Variants in DCHS2 observed in about 807,000 individuals in gnomAD.
The protein encoded by DCHS2 is dachsous cadherin-related 2.
A neutral mutation model predicts 182.4 loss-of-function variants in DCHS2; 142 were observed. That is an observed-to-expected ratio of 0.78 (90% CI 0.68 to 0.89). DCHS2 has a LOEUF of 0.89. Among genes scored for constraint, DCHS2 ranks in the 40% least tolerant of loss-of-function variants. The pLI is 0.00. For missense variants in DCHS2, 4,319 were observed against 4,198.6 expected (o/e 1.03, Z -0.79); for synonymous variants, 1,740 against 1,663.3 (o/e 1.05, Z -1.12).
chr4:154,341,708 G>A (rs756136692), intron 3 of DCHS2, among the ~76,000 whole-genome samples: 63 of 152,030 alleles, frequency 4.1e-4, no homozygotes, highest in Non-Finnish European at 6.8e-4. Flanking sequence ...CAAAAAACCT[G>A]TCCATCAATT....
Position 154,405,155 on chromosome 4 carries a change from C to T in DCHS2, c.2053-27711G>A, listed in dbSNP as rs572753689. Among the ~76,000 whole-genome samples the T allele has an allele frequency of 3.3e-5, 5 of 152,188 alleles. No homozygotes were observed. The South Asian group carries it at 1.0e-3, about 32-fold the overall frequency. The stretch of plus-strand genomic sequence containing the variant: ...ATCCCATCTGCTCGGGAGGCAGAGG[C>T]AGGAAAATCGCTTGAACCTGGGAGG... On this transcript the variant is annotated intron_variant, in intron 1 of 19. Coordinates refer to ENST00000357232, the MANE Select transcript of DCHS2 (RefSeq NM_001358235.2).
chr4:154,472,406 C>A (rs563233083), intron 1 of DCHS2, among the ~76,000 whole-genome samples: 1 of 152,288 alleles, frequency 6.6e-6, no homozygotes, highest in East Asian at 1.9e-4. Flanking sequence ...GTATATCTAT[C>A]CACTGTAATC....
chr4:154,243,876 G>T (rs1731953027), intron 16 of DCHS2, among the ~76,000 whole-genome samples: 1 of 152,072 alleles, frequency 6.6e-6, no homozygotes, highest in Non-Finnish European at 1.5e-5. Flanking sequence ...GCGCTCAATT[G>T]CTCTAACTAA....
intron 13 of DCHS2, among the ~76,000 whole-genome samples, chr4:154,270,882 A>T (rs187209868): frequency 6.6e-6 from 1 of 152,232 alleles, no homozygotes; most frequent in East Asian, 1.9e-4. Context: ...GCTGTAGGAA[A>T]AAGCAACCCA....
chr4:154,324,345 C>T (rs368772642), intron 7 of DCHS2, among the ~76,000 whole-genome samples: 1 of 152,094 alleles, frequency 6.6e-6, no homozygotes. Context: ...GGTGCAGACT[C>T]ATCTTGTAGA....
At chr4:154,354,328 C>T (rs919187273) in intron 3 of DCHS2, among the ~76,000 whole-genome samples, 1 of 152,204 alleles carries the variant, frequency 6.6e-6, no homozygotes, top group African/African-American at 2.4e-5. Flanking sequence ...CCCCTGTCCT[C>T]TCATCTAAAT....
intron 1 of DCHS2, among the ~76,000 whole-genome samples, chr4:154,378,072 T>A (rs1327344988): frequency 6.6e-6 from 1 of 152,084 alleles, no homozygotes; most frequent in Non-Finnish European, 1.5e-5. Flanking sequence ...TGCCTGTAGG[T>A]ACATGGGGAA....
At chr4:154,355,185 T>C (rs995863201) in intron 3 of DCHS2, among the ~76,000 whole-genome samples, 3 of 151,870 alleles carry the variant, frequency 2.0e-5, no homozygotes, top group Non-Finnish European at 4.4e-5. Flanking sequence ...AAGATACCAG[T>C]CACAAAGACT....
intron 10 of DCHS2, among the ~76,000 whole-genome samples, chr4:154,312,258 A>G (rs913897412): frequency 1.3e-5 from 2 of 152,236 alleles, no homozygotes; most frequent in African/African-American, 4.8e-5. Flanking sequence ...GCACAAAGCC[A>G]GTAAGATCGG....
At chr4:154,450,630 C>T (rs1734491856) in intron 1 of DCHS2, among the ~76,000 whole-genome samples, 1 of 151,990 alleles carries the variant, frequency 6.6e-6, no homozygotes, top group Non-Finnish European at 1.5e-5. Context: ...GTCAGGAGTT[C>T]GAGACCAGCC....
At chr4:154,338,274 T>C (rs1276317832) in intron 3 of DCHS2, among the ~76,000 whole-genome samples, 2 of 152,138 alleles carry the variant, frequency 1.3e-5, no homozygotes, top group Admixed American at 6.5e-5. Flanking sequence ...ATTTTGAAAA[T>C]ATACAAACAA....
intron 3 of DCHS2, among the ~76,000 whole-genome samples, chr4:154,337,859 G>C (rs1248695871): frequency 2.6e-5 from 4 of 152,000 alleles, no homozygotes; most frequent in African/African-American, 9.7e-5. Flanking sequence ...TTCTGCCTCA[G>C]CCTCCCGAGT....
intron 16 of DCHS2, among the ~76,000 whole-genome samples, chr4:154,246,092 C>T (rs575605495): frequency 2.6e-5 from 4 of 152,144 alleles, no homozygotes; most frequent in East Asian, 3.9e-4. Context: ...CATAAAGATA[C>T]GTGAGGAGCA....
Position 154,490,246 on chromosome 4 carries a change from A to G in DCHS2, c.1110T>C (p.Pro370=). The stretch of plus-strand genomic sequence containing the variant: ...GCCAGGCCTGTGCCTCGCGGTCCAG[A>G]GGTCTCCACACTCGCACCACGCCGC... ...ELSGVVRVWR[P]LDREAQAWHQ... Residue 370 remains proline (P), a synonymous_variant, in exon 1 of 20, where the codon CCT becomes CCC. Coordinates refer to ENST00000357232, the MANE Select transcript of DCHS2 (RefSeq NM_001358235.2). 6.5e-7 allele frequency: 1 copy of G among 1,549,476 alleles called. No homozygotes were observed. The highest frequency in any genetic ancestry group is 1.4e-5 in the African/African-American group (1 of 73,132).
chr4:154,319,788 A>G (rs1366263006), intron 9 of DCHS2, among the ~76,000 whole-genome samples: 1 of 152,166 alleles, frequency 6.6e-6, no homozygotes, highest in Non-Finnish European at 1.5e-5. Context: ...TGTTCCTCAA[A>G]ACATAAAACT....
intron 3 of DCHS2, chr4:154,343,504 T>A (rs1561056600): frequency 6.7e-7 from 1 of 1,493,976 alleles, no homozygotes; most frequent in East Asian, 2.5e-5. Context: ...GCTACATACC[T>A]TGCTGCAGCT....
intron 1 of DCHS2, among the ~76,000 whole-genome samples, chr4:154,448,394 G>A (rs972892909): frequency 6.6e-6 from 1 of 152,088 alleles, no homozygotes; most frequent in African/African-American, 2.4e-5. Flanking sequence ...CTTTACAGAA[G>A]CAAGTAACCC....
At position 154,327,271 on chromosome 4, in the gene DCHS2, T is replaced by C. The variant is rs1454922991; in HGVS notation, c.4018+822A>G. ...TTCATTAGTTTCACAGTAGATCTGCTCCTACCCCCTTTCATTTTCTTTGTG... is the reference window on the plus strand; with the variant it reads ...TTCATTAGTTTCACAGTAGATCTGCCCCTACCCCCTTTCATTTTCTTTGTG... On this transcript the variant is annotated intron_variant, in intron 7 of 19. Transcript: ENST00000357232. Among the ~76,000 whole-genome samples, 3 of 152,176 alleles carry C rather than the reference T, an allele frequency of 2.0e-5. No homozygotes were observed. The East Asian group carries it at 5.8e-4, about 29-fold the overall frequency.
At chr4:154,375,771 T>A (rs949685432) in intron 2 of DCHS2, among the ~76,000 whole-genome samples, 2 of 152,138 alleles carry the variant, frequency 1.3e-5, no homozygotes, top group Non-Finnish European at 2.9e-5. Flanking sequence ...AGAGAAATGC[T>A]TACATTTGTT....
Sources: allele counts gnomAD v4.1 joint callset (sites outside exome capture counted in the v4.1 genomes callset), GRCh38; gene constraint gnomAD v4.1.1; transcripts MANE v1.5; gene names NCBI Gene and HGNC (gene_info 2026-07-23, HGNC 2026-07-21).